CCDC174: variants seen among roughly 807,000 people sequenced by gnomAD.
The protein encoded by CCDC174 is coiled-coil domain-containing protein 174.
A neutral mutation model predicts 57.1 loss-of-function variants in CCDC174; 37 were observed. The observed-to-expected ratio is 0.65, with a 90% confidence interval of 0.50 to 0.85. CCDC174 has a LOEUF of 0.85. CCDC174 is among the 40% of genes least tolerant of loss of function. The pLI, the probability that CCDC174 is intolerant of heterozygous loss-of-function variation, is 0.00. For synonymous variants in CCDC174, 182 were observed against 190.2 expected (o/e 0.96, Z 0.35); for missense variants, 540 against 574.3 (o/e 0.94, Z 0.61).
intron 1 of CCDC174, 152 bp downstream of exon 1, chr3:14,652,030 G>T (rs770795670): frequency 2.5e-6 from 2 of 799,210 alleles, no homozygotes; most frequent in African/African-American, 3.4e-5. Context: ...TTTCTTCTCC[G>T]GCGGGGATCC....
chr3:14,667,043 A>G (rs2031367303), intron 7 of CCDC174, 96 bp downstream of exon 7: 2 of 1,064,786 alleles, frequency 1.9e-6, no homozygotes, highest in Non-Finnish European at 2.7e-6. Flanking sequence ...TAGCTTTTAC[A>G]TGGAAATTAA....
intron 9 of CCDC174, among the ~76,000 whole-genome samples, chr3:14,669,335 G>A (rs369522537): frequency 5.3e-4 from 80 of 152,280 alleles, no homozygotes; most frequent in African/African-American, 1.6e-3. Flanking sequence ...ATAAATGCTC[G>A]CTCTATAACA....
intron 6 of CCDC174, among the ~76,000 whole-genome samples, chr3:14,665,802 G>A (rs1236304073): frequency 2.0e-5 from 3 of 151,052 alleles, no homozygotes; most frequent in Non-Finnish European, 4.4e-5. Context: ...AGGCCGAGGC[G>A]GGCGGATCAC....
At chr3:14,667,927 G>C in intron 8 of CCDC174, 122 bp from the exon 9 acceptor site, 1 of 892,824 alleles carries the variant, frequency 1.1e-6, no homozygotes, top group Non-Finnish European at 1.7e-6. Context: ...CTCAAGGACA[G>C]CTTCTTAGAG....
At chr3:14,659,567 A>G (rs997855935) in intron 4 of CCDC174, among the ~76,000 whole-genome samples, 2 of 152,096 alleles carry the variant, frequency 1.3e-5, no homozygotes, top group Non-Finnish European at 2.9e-5. Context: ...GTTCATGCCT[A>G]TAGTCCCATT....
chr3:14,672,169 T>C lies in CCDC174; in HGVS notation c.*975T>C, dbSNP rs543911077. 5 of 152,538 alleles carry C rather than the reference T, an allele frequency of 3.3e-5. No individual in the cohort carries two copies. Among genetic ancestry groups the C allele is most frequent in the East Asian group, 1.9e-4 (1 of 5,184 alleles). 9.4% of individuals were successfully genotyped at this position (152,538 alleles called of 1,614,324 possible). On this transcript the variant is annotated 3_prime_UTR_variant, in exon 11 of 11. Coordinates refer to ENST00000383794, the MANE Select transcript of CCDC174 (RefSeq NM_016474.5). ...AGTTGAGAGTTGATGACCAGGCCCA[T>C]AGGGCTCCCACAGCTGGTTCCCAGG...
chr3:14,667,356 A>T, intron 7 of CCDC174, 68 bp from the exon 8 acceptor site: 1 of 1,175,898 alleles, frequency 8.5e-7, no homozygotes, highest in Middle Eastern at 1.9e-4. Context: ...TTTGGTAGGA[A>T]ATGTGGCTTG....
rs542051075 is a variant in CCDC174, at chr3:14,661,555, T to G, written c.333T>G (p.Leu111=). 1 of 1,613,362 alleles carries G rather than the reference T, an allele frequency of 6.2e-7. No homozygotes were observed. The highest frequency in any genetic ancestry group is 1.3e-5 in the African/African-American group (1 of 74,966). The part of the protein sequence containing the change: ...FIDEEVEDMY[L]VDFTQKIIDK... ...ATGAAGAAGTAGAGGATATGTACCTTGTGGATTTCACACAGAAGATCATAG... is the reference window on the plus strand; with the variant it reads ...ATGAAGAAGTAGAGGATATGTACCTGGTGGATTTCACACAGAAGATCATAG... The change falls in exon 5 of 11, where the codon CTT becomes CTG. Residue 111 remains leucine (L), a synonymous_variant. Transcript: ENST00000383794.
At chr3:14,662,792 G>T (rs1369399593) in intron 5 of CCDC174, among the ~76,000 whole-genome samples, 3 of 152,244 alleles carry the variant, frequency 2.0e-5, no homozygotes, top group Non-Finnish European at 4.4e-5. Context: ...TCATTGATGA[G>T]CTGAAGAGAG....
chr3:14,655,742 T>A, intron 3 of CCDC174, 113 bp downstream of exon 3: 1 of 587,390 alleles, frequency 1.7e-6, no homozygotes, highest in Non-Finnish European at 3.0e-6. Context: ...AACATCCTTC[T>A]AGCCCAATGC....
intron 1 of CCDC174, among the ~76,000 whole-genome samples, chr3:14,653,312 T>C (rs1039696531): frequency 1.3e-5 from 2 of 152,238 alleles, no homozygotes; most frequent in Non-Finnish European, 2.9e-5. Flanking sequence ...CTGGAAAATT[T>C]GGTGTGGTTA....
rs1262906194 is a variant in CCDC174 at position 14,671,124 on chromosome 3, C to T, written c.1334C>T (p.Pro445Leu). ...HTSPTPAPDN[P>L]PQAPTVTFKT... ...TCACCCACTCCTGCCCCCGACAACC[C>T]ACCACAAGCCCCCACAGTTACTTTC... Residue 445 changes from proline to leucine, a missense_variant, in exon 11 of 11, where the codon CCA (proline) becomes CTA (leucine). Coordinates refer to ENST00000383794, the MANE Select transcript of CCDC174 (RefSeq NM_016474.5). 2.5e-6 allele frequency: 4 copies of T among 1,614,166 alleles called. No homozygotes were observed. In the East Asian group the frequency reaches 8.9e-5, roughly 36 times the overall value.
intron 6 of CCDC174, among the ~76,000 whole-genome samples, chr3:14,665,474 T>C (rs3773488): frequency 0.44 from 67,404 of 152,016 alleles, 16,704 homozygotes; most frequent in South Asian, 0.65. Flanking sequence ...CAAGTGGCTC[T>C]AGGGAGAGAA....
intron 1 of CCDC174, 148 bp downstream of exon 1, chr3:14,652,026 C>T: frequency 2.5e-6 from 2 of 807,398 alleles, no homozygotes; most frequent in Non-Finnish European, 4.1e-6. Flanking sequence ...GGATTTTCTT[C>T]TCCGGCGGGG....
rs2031398527 is a variant in CCDC174, at chr3:14,668,105, A to T, written c.876A>T (p.Leu292Phe). Residue 292 changes from leucine (L) to phenylalanine (F), a missense_variant, in exon 9 of 11, where the codon TTA becomes TTT. By Grantham distance (22) the Leu-to-Phe change is conservative (BLOSUM62 0). Coordinates refer to ENST00000383794, the MANE Select transcript of CCDC174 (RefSeq NM_016474.5). ...ENIKEKRKAI[L>F]EARLAKLRQK... ...TAAAGGAAAAGCGAAAGGCTATCTT[A>T]GAGGCAAGACTTGCCAAACTTCGAC... The T allele has an allele frequency of 6.2e-7, 1 of 1,610,246 alleles. No individual in the cohort carries two copies. The highest frequency in any genetic ancestry group is 1.1e-5 in the South Asian group (1 of 90,228).
At chr3:14,657,560 A>G (rs1447283168) in intron 3 of CCDC174, among the ~76,000 whole-genome samples, 2 of 152,146 alleles carry the variant, frequency 1.3e-5, no homozygotes, top group African/African-American at 2.4e-5. Flanking sequence ...CTTGATCTCA[A>G]TTATCCATTT....
chr3:14,671,098 G>A lies in CCDC174; in HGVS notation c.1308G>A (p.Thr436=), dbSNP rs752710100. The change falls in exon 11 of 11, where the codon ACG becomes ACA. Residue 436 remains threonine, a synonymous_variant. Coordinates refer to ENST00000383794, the MANE Select transcript of CCDC174 (RefSeq NM_016474.5). The stretch of plus-strand genomic sequence containing the variant: ...GCCACGGACCTAGCCCTGAACATAC[G>A]TCACCCACTCCTGCCCCCGACAACC... ...DQSHGPSPEH[T]SPTPAPDNPP... is the part of the protein sequence containing the mutation. The A allele has an allele frequency of 2.2e-5, 36 of 1,613,960 alleles. No homozygotes were observed. Among genetic ancestry groups the A allele is most frequent in the South Asian group, 1.3e-4 (12 of 91,084 alleles).
intron 4 of CCDC174, among the ~76,000 whole-genome samples, chr3:14,660,472 C>G (rs1344974746): frequency 6.6e-6 from 1 of 152,192 alleles, no homozygotes; most frequent in African/African-American, 2.4e-5. Context: ...CCACTGCACT[C>G]TAGCCTGGGC....
intron 1 of CCDC174, among the ~76,000 whole-genome samples, chr3:14,652,988 C>T (rs1008129729): frequency 6.6e-6 from 1 of 152,166 alleles, no homozygotes. Context: ...GCCTTTTCAT[C>T]ATCAGAGCAA....
Sources: gnomAD v4.1 joint callset for allele counts (sites outside exome capture counted in the v4.1 genomes callset) on GRCh38, gnomAD v4.1.1 for gene constraint, MANE v1.5 for transcripts, NCBI Gene and HGNC (gene_info 2026-07-23, HGNC 2026-07-21) for gene names.